The following IGDCC4 variants were observed in gnomAD, a reference collection of about 807,000 sequenced individuals.
IGDCC4 encodes immunoglobulin superfamily DCC subclass member 4.
A neutral mutation model predicts 116.6 loss-of-function variants in IGDCC4; 72 were observed. The ratio of observed to expected loss-of-function variants is 0.62; its 90% confidence interval spans 0.51 to 0.75. The LOEUF is 0.75. IGDCC4 is among the 30% of genes least tolerant of loss of function. IGDCC4 has a pLI of 0.00. For missense variants in IGDCC4, 1,501 were observed against 1,662.4 expected (o/e 0.90, Z 1.69); for synonymous variants, 709 against 719.9 (o/e 0.98, Z 0.24).
chr15:65,388,629 G>A (rs1346695932), intron 15 of IGDCC4, 43 bp from the exon 16 acceptor site: 2 of 1,612,508 alleles, frequency 1.2e-6, no homozygotes, highest in Admixed American at 1.7e-5. Context: ...GGTGGATGGG[G>A]TGGGTGGATG....
At chr15:65,404,685 GAATGAACAAATT>G (rs1567089426) in intron 3 of IGDCC4, among the ~76,000 whole-genome samples, 4 of 152,008 alleles carry the variant, frequency 2.6e-5, no homozygotes, top group African/African-American at 7.3e-5. Flanking sequence ...ATGAATGAAT[GAATGAACAAATT>G]AATGAATGAA....
In IGDCC4 at chr15:65,392,449, A is replaced by G. The variant is rs2062877311; in HGVS notation, c.1886-79T>C. The G allele has an allele frequency of 3.6e-5, 40 of 1,119,982 alleles. No individual in the cohort carries two copies. The South Asian group carries it at 6.4e-4, about 18-fold the overall frequency. 69.4% of individuals were successfully genotyped at this position (1,119,982 alleles called of 1,614,324 possible). On this transcript the variant is annotated intron_variant, in intron 10 of 19. Transcript: ENST00000352385. ...GAGAAGGAGGCCAGGGATAGGAGAC[A>G]GGGAAGAGGCATGAGGAAGAGACAG... is the stretch of plus-strand genomic sequence containing the variant.
At position 65,395,996 on chromosome 15, in the gene IGDCC4, T is replaced by C. The variant is rs1410200853; in HGVS notation, c.1165A>G (p.Ser389Gly). The change falls in exon 7 of 20, where the codon AGC becomes GGC. Residue 389 changes from serine (S) to glycine (G), a missense_variant. Coordinates refer to ENST00000352385, the MANE Select transcript of IGDCC4 (RefSeq NM_020962.3). ...AGGCCGATCTGTGTGATGACCAGGC[T>C]GCCACCGCCGCCCTGGACCTTGACG... Reference protein sequence around the residue: ...GRVKVQGGGGSLVITQIGLQD... With the variant: ...GRVKVQGGGGGLVITQIGLQD... The C allele has an allele frequency of 6.4e-7, 1 of 1,552,026 alleles. No individual in the cohort carries two copies. The highest frequency in any genetic ancestry group is 8.6e-7 in the Non-Finnish European group (1 of 1,157,528).
rs762857420 is a variant in IGDCC4, at chr15:65,388,964, G to C, written c.2551C>G (p.Pro851Ala). The change falls in exon 15 of 20, where the codon CCA (proline) becomes GCA (alanine). Residue 851 changes from proline to alanine, a missense_variant. Physicochemically the swap from Pro to Ala is conservative, Grantham distance 27. Transcript: ENST00000352385. ...STLPDRPSTP[P>A]SDLRLSPLTP... is the part of the protein sequence containing the mutation. ...AGGGGGCTCAGTCGCAGGTCGGATG[G>C]GGGTGTGGAGGGCCCTGGGGTGCGG... 5.0e-6 allele frequency: 8 copies of C among 1,599,212 alleles called. No homozygotes were observed. The highest frequency in any genetic ancestry group is 1.3e-5 in the African/African-American group (1 of 74,698).
At chr15:65,388,246 G>GAAA (rs397793769) in intron 16 of IGDCC4, among the ~76,000 whole-genome samples, 3 of 122,768 alleles carry the variant, frequency 2.4e-5, no homozygotes, top group African/African-American at 6.1e-5. Flanking sequence ...CTCCATCTCA[G>GAAA]AAAAAAAAAA....
chr15:65,417,195 A>C (rs1238644793), intron 1 of IGDCC4, among the ~76,000 whole-genome samples: 2 of 152,138 alleles, frequency 1.3e-5, no homozygotes, highest in Non-Finnish European at 2.9e-5. Context: ...GGTTCCTTCC[A>C]GAAACCTTCC....
chr15:65,422,886 G>A lies in IGDCC4; in HGVS notation c.-24C>T. 5 of 1,054,456 alleles carry A rather than the reference G, an allele frequency of 4.7e-6. No homozygotes were observed. The highest frequency in any genetic ancestry group is 3.4e-5 in the African/African-American group (2 of 58,032). The allele number at this position is 1,054,456 out of a possible 1,614,324, so 65.3% of individuals were successfully genotyped here. A position where few individuals can be genotyped will look rare whatever the true frequency, so the allele number is the denominator to read the frequency against. On this transcript the variant is annotated 5_prime_UTR_variant, in exon 1 of 20. Coordinates refer to ENST00000352385, the MANE Select transcript of IGDCC4 (RefSeq NM_020962.3). ...ATGGGGCTGGGCTCGGGCCGCCGCC[G>A]CCGCCGCCGCCTCCCCGTGCTTCGG...
Position 65,411,040 on chromosome 15 carries a change from G to T in IGDCC4, c.401C>A (p.Thr134Asn). The change falls in exon 2 of 20, where the codon ACT becomes AAT. Residue 134 changes from threonine (T) to asparagine (N), a missense_variant. Physicochemically the swap from Thr to Asn is moderately conservative, Grantham distance 65. Coordinates refer to ENST00000352385, the MANE Select transcript of IGDCC4 (RefSeq NM_020962.3). Reference sequence around the variant, plus strand: ...CTTACTGGCAAGCTTGACGACAGCAGTCTGGCTGGCCAGCACTCCGAGGGG... The same window carrying T: ...CTTACTGGCAAGCTTGACGACAGCATTCTGGCTGGCCAGCACTCCGAGGGG... ...HGPLGVLASQTAVVKLATLAD... is the reference protein window; with the variant it reads ...HGPLGVLASQNAVVKLATLAD... The T allele has an allele frequency of 6.2e-7, 1 of 1,610,982 alleles. No homozygotes were observed. Among genetic ancestry groups the T allele is most frequent in the Non-Finnish European group, 8.5e-7 (1 of 1,177,782 alleles).
chr15:65,413,848 A>G (rs967549870), intron 1 of IGDCC4, among the ~76,000 whole-genome samples: 11 of 152,222 alleles, frequency 7.2e-5, no homozygotes, highest in Non-Finnish European at 1.5e-4. Flanking sequence ...TTCTAGATCC[A>G]GCTCCATCAC....
chr15:65,422,463 C>T (rs1194519748), intron 1 of IGDCC4, among the ~76,000 whole-genome samples: 6 of 151,648 alleles, frequency 4.0e-5, no homozygotes, highest in African/African-American at 1.2e-4. Flanking sequence ...CTACCCGCCC[C>T]GCCGATGCCA....
intron 1 of IGDCC4, among the ~76,000 whole-genome samples, chr15:65,420,237 G>A (rs560751752): frequency 7.5e-4 from 114 of 152,260 alleles, no homozygotes; most frequent in African/African-American, 2.6e-3. Flanking sequence ...GTGAGCCACC[G>A]CACCCGGCCT....
In IGDCC4 at chr15:65,393,235, G is replaced by A; in HGVS notation, c.1885+126C>T. 5.9e-6 allele frequency: 6 copies of A among 1,018,504 alleles called. No individual in the cohort carries two copies. The South Asian group carries it at 1.2e-4, about 21-fold the overall frequency. The allele number at this position is 1,018,504 out of a possible 1,614,324, so 63.1% of individuals were successfully genotyped here. ...CACCTAAGCCTCACTCACCCATCAA[G>A]CGGAGGGAGCCATGGAAGGTCTCTG... On this transcript the variant is annotated intron_variant, in intron 10 of 19. Coordinates refer to ENST00000352385, the MANE Select transcript of IGDCC4 (RefSeq NM_020962.3). The surrounding 1 kb of genome is among the most constrained non-coding windows in gnomAD (Gnocchi z 4.6).
intron 1 of IGDCC4, among the ~76,000 whole-genome samples, chr15:65,412,324 C>A (rs1051778076): frequency 6.6e-6 from 1 of 151,642 alleles, no homozygotes; most frequent in Admixed American, 6.6e-5. Flanking sequence ...CCAGCCTGAC[C>A]AACATGGTGA....
At chr15:65,414,852 GGCTGGTCTTGAACT>G (rs2063128648) in intron 1 of IGDCC4, among the ~76,000 whole-genome samples, 1 of 152,220 alleles carries the variant, frequency 6.6e-6, no homozygotes, top group South Asian at 2.1e-4. Context: ...ATTTTGGCCA[GGCTGGTCTTGAACT>G]GCTGACCTCA....
At chr15:65,398,533 C>CAAAAAAAAAAAAAAA (rs3082803) in intron 5 of IGDCC4, among the ~76,000 whole-genome samples, 2 of 77,632 alleles carry the variant, frequency 2.6e-5, no homozygotes, top group Non-Finnish European at 5.1e-5. Context: ...AACTCCATCT[C>CAAAAAAAAAAAAAAA]AAAAAAAAAA....
At chr15:65,405,606 C>T (rs917447950) in intron 3 of IGDCC4, among the ~76,000 whole-genome samples, 7 of 152,152 alleles carry the variant, frequency 4.6e-5, no homozygotes, top group African/African-American at 1.4e-4. Context: ...CGGACATAAA[C>T]ATATTTATGA....
chr15:65,412,360 A>G (rs2063102870), intron 1 of IGDCC4, among the ~76,000 whole-genome samples: 1 of 151,792 alleles, frequency 6.6e-6, no homozygotes, highest in South Asian at 2.1e-4. Flanking sequence ...AAAAATACAA[A>G]AATTAGCCAG....
rs780532542 is a variant in IGDCC4 at position 65,400,900 on chromosome 15, G to C, written c.747C>G (p.Ala249=). The change falls in exon 5 of 20, where the codon GCC becomes GCG. Residue 249 remains alanine (A), a synonymous_variant. Coordinates refer to ENST00000352385, the MANE Select transcript of IGDCC4 (RefSeq NM_020962.3). ...CAGACACCACTGTGGTGTTCTCTGGGGCTGCCACAATGACCACGTCCTGCC... is the reference window on the plus strand; with the variant it reads ...CAGACACCACTGTGGTGTTCTCTGGCGCTGCCACAATGACCACGTCCTGCC... ...TRGQDVVIVA[A]PENTTVVSGQ... 6.2e-7 allele frequency: 1 copy of C among 1,614,104 alleles called. No homozygotes were observed. The highest frequency in any genetic ancestry group is 8.5e-7 in the Non-Finnish European group (1 of 1,180,014).
chr15:65,389,466 A>G, intron 13 of IGDCC4, 55 bp from the exon 14 acceptor site: 1 of 1,612,612 alleles, frequency 6.2e-7, no homozygotes, highest in Non-Finnish European at 8.5e-7. Flanking sequence ...CCAGCAGGGC[A>G]GACTCCTCCA....
Sources: gnomAD v4.1 joint callset for allele counts (sites outside exome capture counted in the v4.1 genomes callset) on GRCh38, gnomAD v4.1.1 for gene constraint, Gnocchi (gnomAD v3.1) non-coding constraint, MANE v1.5 for transcripts, NCBI Gene and HGNC (gene_info 2026-07-23, HGNC 2026-07-21) for gene names.